Variants in ASB13 observed in about 807,000 individuals in gnomAD.
ASB13 encodes the protein ankyrin repeat and SOCS box containing 13.
ASB13 carries 33 observed loss-of-function variants against 28.8 expected under a neutral mutation model. The ratio of observed to expected loss-of-function variants is 1.15; its 90% CI spans 0.87 to 1.53. The LOEUF (loss-of-function observed/expected upper bound fraction) is 1.53. Ranked by LOEUF, ASB13 falls within the 40% of genes most tolerant of loss-of-function variation. The probability of loss-of-function intolerance (pLI) is 0.00; values close to 1 mark genes in which losing one functional copy is unlikely to be tolerated. For synonymous variants in ASB13, 182 were observed against 172.9 expected (o/e 1.05, Z -0.41); for missense variants, 414 against 390.1 (o/e 1.06, Z -0.52).
intron 1 of ASB13, among the ~76,000 whole-genome samples, chr10:5,657,741 T>G (rs756681492): frequency 6.6e-6 from 1 of 152,208 alleles, no homozygotes; most frequent in Non-Finnish European, 1.5e-5. Context: ...ATAGCAGCAT[T>G]ATTCTCAACA....
intron 1 of ASB13, 84 bp from the exon 2 acceptor site, chr10:5,653,134 A>T: frequency 7.5e-7 from 1 of 1,334,470 alleles, no homozygotes; most frequent in Non-Finnish European, 1.0e-6. Flanking sequence ...AGGGTCCCTG[A>T]TGCCACCAAG....
chr10:5,657,304 T>C (rs1298399635), intron 1 of ASB13, among the ~76,000 whole-genome samples: 2 of 151,812 alleles, frequency 1.3e-5, no homozygotes, highest in African/African-American at 4.8e-5. Context: ...TAGTCCAGAA[T>C]ATATAAAGAA....
rs1047947042 is a variant in ASB13, at chr10:5,661,130, C to G, written c.43+5379G>C. On this transcript the variant is annotated intron_variant, in intron 1 of 5. Coordinates refer to ENST00000357700, the MANE Select transcript of ASB13 (RefSeq NM_024701.4). The surrounding 1 kb of genome is among the most constrained non-coding windows in gnomAD (Gnocchi z 4.9). ...CACTCGTTGGGCCCAAGTGGCAGCT[C>G]TGTGCCCAGGCCCGGCCACCCCCTA... 6.6e-6 allele frequency among the ~76,000 whole-genome samples: 1 copy of G among 152,240 alleles called. No individual in the cohort carries two copies. Among genetic ancestry groups the G allele is most frequent in the Non-Finnish European group, 1.5e-5 (1 of 68,036 alleles).
chr10:5,643,747 C>T (rs1422385826), intron 4 of ASB13, among the ~76,000 whole-genome samples: 3 of 152,188 alleles, frequency 2.0e-5, no homozygotes, highest in South Asian at 4.1e-4. Flanking sequence ...ATCTAAAGTT[C>T]AAGTAGCTTT....
chr10:5,666,466 G>A (rs1234751927), intron 1 of ASB13, 43 bp downstream of exon 1: 17 of 1,278,028 alleles, frequency 1.3e-5, no homozygotes, highest in Non-Finnish European at 1.6e-5. Context: ...CTCAGGAGCC[G>A]GCGCCGCTGC....
intron 4 of ASB13, 34 bp downstream of exon 4, chr10:5,648,936 A>AGGCAAACACCCGCTCG: frequency 6.2e-7 from 1 of 1,608,156 alleles, no homozygotes; most frequent in Non-Finnish European, 8.5e-7. Context: ...ACACCCACTC[A>AGGCAAACACCCGCTCG]GGTAAACACC....
Position 5,650,921 on chromosome 10 carries a change from GCAGAGTCCCCCAGGC to G in ASB13, c.382+277_382+291del, listed in dbSNP as rs1834974322. 6.6e-6 allele frequency among the ~76,000 whole-genome samples: 1 copy of G among 152,224 alleles called. No homozygotes were observed. ...TGTAGCAAAGCCCAAGTGAGCCTCT[GCAGAGTCCCCCAGGC>G]CCTGCTAACGTGGAGAGGCCCAGGG... On this transcript the variant is annotated intron_variant, in intron 3 of 5. Transcript: ENST00000357700. The surrounding 1 kb of genome is among the most constrained non-coding windows in gnomAD (Gnocchi z 6.0).
chr10:5,642,449 A>G lies in ASB13; in HGVS notation c.518-488T>C, dbSNP rs1335336651. 7 of 1,129,684 alleles carry G rather than the reference A, an allele frequency of 6.2e-6. No homozygotes were observed. Among genetic ancestry groups the G allele is most frequent in the Non-Finnish European group, 7.8e-6 (7 of 897,948 alleles). The allele number at this position is 1,129,684 out of a possible 1,614,324, so 70.0% of individuals were successfully genotyped here. A position where few individuals can be genotyped will look rare whatever the true frequency, so the allele number is the denominator to read the frequency against. On this transcript the variant is annotated intron_variant, in intron 4 of 5. Transcript: ENST00000357700. The surrounding 1 kb of genome is among the most constrained non-coding windows in gnomAD (Gnocchi z 4.1). ...GTTCCTTAACAATGCATATTCTTTT[A>G]CAAAAGGAAAACAGATAACGTACCC...
chr10:5,645,433 T>C lies in ASB13; in HGVS notation c.518-3472A>G, dbSNP rs1834867970. On this transcript the variant is annotated intron_variant, in intron 4 of 5. Coordinates refer to ENST00000357700, the MANE Select transcript of ASB13 (RefSeq NM_024701.4). This position sits in a 1 kb window ranked among gnomAD's most constrained non-coding sequence, Gnocchi z 5.4. ...TCACTGTCAGTGATCAGATTAAAAA[T>C]TACTTCACCATCATAACCGGACTTT... 6.6e-6 allele frequency among the ~76,000 whole-genome samples: 1 copy of C among 152,088 alleles called. No homozygotes were observed. The highest frequency in any genetic ancestry group is 2.1e-4 in the South Asian group (1 of 4,826).
In ASB13 at chr10:5,655,068, C is replaced by G. The variant is rs1217364872; in HGVS notation, c.44-2018G>C. 2.0e-5 allele frequency among the ~76,000 whole-genome samples: 3 copies of G among 151,794 alleles called. No individual in the cohort carries two copies. The highest frequency in any genetic ancestry group is 4.4e-5 in the Non-Finnish European group (3 of 67,984). On this transcript the variant is annotated intron_variant, in intron 1 of 5. Transcript: ENST00000357700. The surrounding 1 kb of genome is among the most constrained non-coding windows in gnomAD (Gnocchi z 6.2). ...AGCGAGCCCAGATCACGCCACTGCA[C>G]CATAGCCTGGGCAACAAGAGTGAAA...
At position 5,652,985 on chromosome 10, in the gene ASB13, G is replaced by A. The variant is rs1424015607; in HGVS notation, c.109C>T (p.Gln37Ter). The change falls in exon 2 of 6, where the codon CAG (glutamine) becomes TAG (stop). Residue 37 changes from glutamine to a stop codon, truncating the protein, a stop_gained. Transcript: ENST00000357700. LOFTEE classifies it high-confidence loss of function. The surrounding 1 kb of genome is among the most constrained non-coding windows in gnomAD (Gnocchi z 5.0). ...ACGCAGGCGCCGCTCTCGATCAGCT[G>A]TTGCAGCTGCAGGCTCTCACCCCGC... Reference protein sequence around the residue: ...AQRGESLQLQQLIESGACVNQ... With the variant: ...AQRGESLQLQ The A allele has an allele frequency of 6.4e-7, 1 of 1,555,914 alleles. No homozygotes were observed. The highest frequency in any genetic ancestry group is 1.9e-5 in the Admixed American group (1 of 51,296).
rs1298608989 is a variant in ASB13 at position 5,643,487 on chromosome 10, AG to A, written c.518-1527del. Among the ~76,000 whole-genome samples the A allele has an allele frequency of 2.0e-5, 3 of 152,358 alleles. No homozygotes were observed. The East Asian group carries it at 5.8e-4, about 29-fold the overall frequency. Reference sequence around the variant, plus strand: ...TTTCCACTTCCCGCAGCCAAAACTCAGAAGTCAGAACAGGAAAAGGATCTCT... The same window carrying A: ...TTTCCACTTCCCGCAGCCAAAACTCAAAGTCAGAACAGGAAAAGGATCTCT... On this transcript the variant is annotated intron_variant, in intron 4 of 5. Transcript: ENST00000357700.
chr10:5,651,300 C>G lies in ASB13; in HGVS notation c.295G>C (p.Glu99Gln). 2 of 1,613,956 alleles carry G rather than the reference C, an allele frequency of 1.2e-6. No homozygotes were observed. Among genetic ancestry groups the G allele is most frequent in the South Asian group, 1.1e-5 (1 of 91,052 alleles). The stretch of plus-strand genomic sequence containing the variant: ...TAGGACAGCAAGAGCTTCACACACT[C>G]GATGCTGCCCGAGGCGCAGGCATCG... ...LCDACASGSI[E>Q]CVKLLLSYGA... is the part of the protein sequence containing the mutation. The change falls in exon 3 of 6, where the codon GAG (glutamate) becomes CAG (glutamine). Residue 99 changes from glutamate (E) to glutamine (Q), a missense_variant. Coordinates refer to ENST00000357700, the MANE Select transcript of ASB13 (RefSeq NM_024701.4). This position sits in a 1 kb window ranked among gnomAD's most constrained non-coding sequence, Gnocchi z 5.1.
chr10:5,662,476 G>A (rs1241338965), intron 1 of ASB13, among the ~76,000 whole-genome samples: 3 of 145,250 alleles, frequency 2.1e-5, no homozygotes, highest in African/African-American at 7.6e-5. Context: ...ACTGCAGTGA[G>A]CTGAGATCGT....
Position 5,666,493 on chromosome 10 carries a change from C to T in ASB13, c.43+16G>A, listed in dbSNP as rs1485205961. ...CGCCGCTGCCTCGCTCTGACCTCCG[C>T]GGCGCCCGCACGTACCCACGTCGCC... On this transcript the variant is annotated intron_variant, in intron 1 of 5. Coordinates refer to ENST00000357700, the MANE Select transcript of ASB13 (RefSeq NM_024701.4). 8 of 1,295,158 alleles carry T rather than the reference C, an allele frequency of 6.2e-6. No homozygotes were observed. The highest frequency in any genetic ancestry group is 3.2e-5 in the Admixed American group (1 of 31,478). The allele number at this position is 1,295,158 out of a possible 1,614,324, so 80.2% of individuals were successfully genotyped here. A position where few individuals can be genotyped will look rare whatever the true frequency, so the allele number is the denominator to read the frequency against.
chr10:5,647,868 C>A (rs922042361), intron 4 of ASB13, among the ~76,000 whole-genome samples: 4 of 152,200 alleles, frequency 2.6e-5, no homozygotes, highest in African/African-American at 9.6e-5. Context: ...GGTAAATGCT[C>A]GTGCAAGTAA....
In ASB13 at chr10:5,651,460, T is replaced by C; in HGVS notation, c.232-97A>G. On this transcript the variant is annotated intron_variant, in intron 2 of 5. Coordinates refer to ENST00000357700, the MANE Select transcript of ASB13 (RefSeq NM_024701.4). The surrounding 1 kb of genome is among the most constrained non-coding windows in gnomAD (Gnocchi z 5.1). ...GGTTCATCTTTGCTAAGATGCTTCT[T>C]AGAAGCACCGGTTTGCTTTGCTATT... is the stretch of plus-strand genomic sequence containing the variant. 1.5e-6 allele frequency: 2 copies of C among 1,330,578 alleles called. No homozygotes were observed. The highest frequency in any genetic ancestry group is 2.0e-6 in the Non-Finnish European group (2 of 984,506). 82.4% of individuals were successfully genotyped at this position (1,330,578 alleles called of 1,614,324 possible).
intron 4 of ASB13, among the ~76,000 whole-genome samples, chr10:5,643,777 G>C (rs1346457650): frequency 6.6e-6 from 1 of 152,114 alleles, no homozygotes; most frequent in Non-Finnish European, 1.5e-5. Flanking sequence ...CATTAATTCT[G>C]GCAATATTCT....
rs1439224764 is a variant in ASB13 at position 5,652,176 on chromosome 10, A to G, written c.231+687T>C. Among the ~76,000 whole-genome samples, 4 of 152,150 alleles carry G rather than the reference A, an allele frequency of 2.6e-5. No individual in the cohort carries two copies. In the East Asian group the frequency reaches 7.7e-4, roughly 29 times the overall value. ...CCCAAATTGGCAAATTTTATTTAGC[A>G]TTTGTCCAAATTCAAATTCTATTTG... On this transcript the variant is annotated intron_variant, in intron 2 of 5. Transcript: ENST00000357700. The surrounding 1 kb of genome is among the most constrained non-coding windows in gnomAD (Gnocchi z 5.0).
Sources: gnomAD v4.1 joint callset for allele counts (sites outside exome capture counted in the v4.1 genomes callset) on GRCh38, gnomAD v4.1.1 for gene constraint, Gnocchi (gnomAD v3.1) non-coding constraint, MANE v1.5 for transcripts, NCBI Gene and HGNC (gene_info 2026-07-23, HGNC 2026-07-21) for gene names.